The following ADAMTS6 variants were observed in gnomAD, a reference collection of about 807,000 sequenced individuals.
The protein encoded by ADAMTS6 is ADAM metallopeptidase with thrombospondin type 1 motif 6, also known as A disintegrin and metalloproteinase with thrombospondin motifs 6.
In ADAMTS6, 23 loss-of-function variants were observed where a neutral mutation model predicts 144.3. The ratio of observed to expected loss-of-function variants is 0.16; its 90% confidence interval spans 0.11 to 0.23. The LOEUF is 0.23. ADAMTS6 is among the 10% of genes least tolerant of loss of function. ADAMTS6 has a pLI of 1.00. For missense variants in ADAMTS6, 999 were observed against 1,379.6 expected (o/e 0.72, Z 4.37); for synonymous variants, 444 against 457.5 (o/e 0.97, Z 0.38).
At chr5:65,219,553 A>G (rs1289224670) in intron 18 of ADAMTS6, among the ~76,000 whole-genome samples, 2 of 152,222 alleles carry the variant, frequency 1.3e-5, no homozygotes, top group Admixed American at 6.5e-5. Context: ...CTAGATTAGT[A>G]TCAGATAAAA....
At chr5:65,398,796 G>GAAAGAAAGA (rs1267174361) in intron 7 of ADAMTS6, among the ~76,000 whole-genome samples, 1 of 83,968 alleles carries the variant, frequency 1.2e-5, no homozygotes, top group Non-Finnish European at 2.4e-5. Flanking sequence ...AAGAAAGAAA[G>GAAAGAAAGA]AAAGAAAGAA....
chr5:65,191,986 G>T (rs1755043188), intron 21 of ADAMTS6, among the ~76,000 whole-genome samples: 1 of 152,048 alleles, frequency 6.6e-6, no homozygotes, highest in South Asian at 2.1e-4. Flanking sequence ...GTGAAATGAT[G>T]GGAGTGGACC....
intron 7 of ADAMTS6, among the ~76,000 whole-genome samples, chr5:65,432,119 T>A (rs1034462506): frequency 1.3e-5 from 2 of 152,068 alleles, no homozygotes; most frequent in Non-Finnish European, 1.5e-5. Context: ...AAGAATAAAA[T>A]TTTTAAAGAT....
intron 7 of ADAMTS6, among the ~76,000 whole-genome samples, chr5:65,350,788 G>A (rs1748782101): frequency 6.6e-6 from 1 of 152,014 alleles, no homozygotes; most frequent in Middle Eastern, 3.2e-3. Context: ...TGAGTAGATG[G>A]GATTACAGGC....
intron 16 of ADAMTS6, among the ~76,000 whole-genome samples, chr5:65,225,796 T>C (rs1757680126): frequency 6.6e-6 from 1 of 152,220 alleles, no homozygotes; most frequent in Non-Finnish European, 1.5e-5. Context: ...TATCATCTTG[T>C]TTGTAAACAG....
chr5:65,412,148 T>C lies in ADAMTS6; in HGVS notation c.1073+39327A>G, dbSNP rs150135654. ...AATTTCACACAGTAAAGTGGCAAAA[T>C]GCAAGAAAAGATCTTTAATGCTATA... On this transcript the variant is annotated intron_variant, in intron 7 of 24. Coordinates refer to ENST00000381055, the MANE Select transcript of ADAMTS6 (RefSeq NM_197941.4). Among the ~76,000 whole-genome samples the C allele has an allele frequency of 1.9e-4, 29 of 152,226 alleles. No homozygotes were observed. In the East Asian group the frequency reaches 5.4e-3, roughly 28 times the overall value.
At chr5:65,249,132 AATT>A (rs1759917700) in intron 14 of ADAMTS6, among the ~76,000 whole-genome samples, 1 of 151,988 alleles carries the variant, frequency 6.6e-6, no homozygotes, top group South Asian at 2.1e-4. Flanking sequence ...ACAGTTTGGC[AATT>A]ATTATATTGC....
intron 7 of ADAMTS6, among the ~76,000 whole-genome samples, chr5:65,366,470 G>C (rs1185381380): frequency 6.6e-6 from 1 of 152,126 alleles, no homozygotes; most frequent in African/African-American, 2.4e-5. Context: ...CTTGAACCAA[G>C]AAGTTAGTCA....
At chr5:65,243,111 T>C (rs1759335652) in intron 14 of ADAMTS6, among the ~76,000 whole-genome samples, 1 of 152,088 alleles carries the variant, frequency 6.6e-6, no homozygotes, top group Admixed American at 6.5e-5. Flanking sequence ...ACAGCTGTAG[T>C]ACTTAAAAAC....
In ADAMTS6 at chr5:65,224,847, A is replaced by G. The variant is rs1757602956; in HGVS notation, c.2191+77T>C. On this transcript the variant is annotated intron_variant, in intron 17 of 24. Coordinates refer to ENST00000381055, the MANE Select transcript of ADAMTS6 (RefSeq NM_197941.4). ...GCCTAAATAAAGAAATCTGAAAAAC[A>G]GGGGGAGGCGAAGCGAGGGTTTTGG... The G allele has an allele frequency of 1.1e-5, 16 of 1,456,094 alleles. No homozygotes were observed. In the East Asian group the frequency reaches 3.6e-4, roughly 33 times the overall value. The allele number at this position is 1,456,094 out of a possible 1,614,324, so 90.2% of individuals were successfully genotyped here.
chr5:65,448,643 A>G (rs1292640325), intron 7 of ADAMTS6, among the ~76,000 whole-genome samples: 1 of 151,912 alleles, frequency 6.6e-6, no homozygotes, highest in Non-Finnish European at 1.5e-5. Flanking sequence ...TTTAGTAGAG[A>G]CAGGGTTTCA....
chr5:65,290,939 G>A (rs1414280713), intron 11 of ADAMTS6, among the ~76,000 whole-genome samples: 2 of 152,134 alleles, frequency 1.3e-5, no homozygotes, highest in Non-Finnish European at 2.9e-5. Flanking sequence ...AGGAATAAAA[G>A]TAAAGCTGTC....
chr5:65,372,215 C>A (rs1751015059), intron 7 of ADAMTS6, among the ~76,000 whole-genome samples: 1 of 142,532 alleles, frequency 7.0e-6, no homozygotes, highest in Non-Finnish European at 1.5e-5. Context: ...GCAAAATAAC[C>A]AGCTAACATC....
chr5:65,420,278 A>G (rs1755913615), intron 7 of ADAMTS6, among the ~76,000 whole-genome samples: 1 of 152,190 alleles, frequency 6.6e-6, no homozygotes, highest in African/African-American at 2.4e-5. Context: ...GGGGATTACA[A>G]TTTAAGATGA....
At chr5:65,319,841 TTTTG>T (rs1345601683) in intron 9 of ADAMTS6, among the ~76,000 whole-genome samples, 5 of 151,564 alleles carry the variant, frequency 3.3e-5, no homozygotes, top group Non-Finnish European at 5.9e-5. Context: ...CAAAAGGTTT[TTTTG>T]TTTGTTTGTT....
chr5:65,208,917 T>A (rs1284083366), intron 20 of ADAMTS6, among the ~76,000 whole-genome samples: 2 of 152,178 alleles, frequency 1.3e-5, no homozygotes, highest in African/African-American at 4.8e-5. Flanking sequence ...CAGCAACACC[T>A]GGAAACTTAG....
rs539399876 is a variant in ADAMTS6, at chr5:65,412,226, T to C, written c.1073+39249A>G. 3.5e-4 allele frequency among the ~76,000 whole-genome samples: 54 copies of C among 152,202 alleles called. 1 individual carries two copies. The highest frequency in any genetic ancestry group is 3.1e-3 in the Admixed American group (47 of 15,276). On this transcript the variant is annotated intron_variant, in intron 7 of 24. Transcript: ENST00000381055. ...AGAATATACATTTTTAAAATGAAAA[T>C]GGGAATGTTAAATACTAAAAGCCCT... is the stretch of plus-strand genomic sequence containing the variant.
chr5:65,322,081 A>G (rs1388338630), intron 9 of ADAMTS6, among the ~76,000 whole-genome samples: 3 of 152,090 alleles, frequency 2.0e-5, no homozygotes, highest in Non-Finnish European at 4.4e-5. Context: ...AATCTTCTAC[A>G]TATATGGCTA....
chr5:65,422,598 G>A (rs954810101), intron 7 of ADAMTS6, among the ~76,000 whole-genome samples: 3 of 152,008 alleles, frequency 2.0e-5, no homozygotes, highest in Non-Finnish European at 4.4e-5. Context: ...CTCCAGCCTG[G>A]TGACAGAGCG....
Sources: allele counts gnomAD v4.1 joint callset (sites outside exome capture counted in the v4.1 genomes callset), GRCh38; gene constraint gnomAD v4.1.1; transcripts MANE v1.5; gene names NCBI Gene and HGNC (gene_info 2026-07-23, HGNC 2026-07-21).